Variants in MALRD1 observed in about 807,000 individuals in gnomAD.
MALRD1 encodes MAM and LDL-receptor class A domain-containing protein 1.
In MALRD1, 247 loss-of-function variants were observed where a neutral mutation model predicts 242.1. The observed-to-expected ratio is 1.02, with a 90% CI of 0.92 to 1.13. MALRD1 has a LOEUF of 1.13. Ranked by LOEUF, MALRD1 falls within the 50% of genes most tolerant of loss-of-function variation. The pLI, the probability that MALRD1 is intolerant of heterozygous loss-of-function variation, is 0.00. For synonymous variants in MALRD1, 995 were observed against 866.6 expected, an observed-to-expected ratio of 1.15 and a Z score of -2.60; for missense variants, 2,989 against 2,533.1, an observed-to-expected ratio of 1.18 and a Z score of -3.86.
chr10:19,626,055 T>G (rs1377119084), intron 36 of MALRD1, among the ~76,000 whole-genome samples: 1 of 152,156 alleles, frequency 6.6e-6, no homozygotes, highest in African/African-American at 2.4e-5. Context: ...TAGATATCTT[T>G]TAGGTAATAA....
rs189693123 is a variant in MALRD1, at chr10:19,272,496, T to G, written c.3080-7551T>G. 1.6e-3 allele frequency among the ~76,000 whole-genome samples: 251 copies of G among 152,204 alleles called. 1 individual carries two copies. The highest frequency in any genetic ancestry group is 3.2e-3 in the Non-Finnish European group (217 of 68,012). On this transcript the variant is annotated intron_variant, in intron 19 of 39. Transcript: ENST00000454679. ...GGCCCTTTAAAAGTATTTAAAAATA[T>G]TTCGTTTTAAATTTTATCTTTTATT... is the stretch of plus-strand genomic sequence containing the variant.
intron 28 of MALRD1, among the ~76,000 whole-genome samples, chr10:19,409,568 A>G (rs76949612): frequency 0.02 from 3,017 of 152,278 alleles, 38 homozygotes; most frequent in Middle Eastern, 0.034. Context: ...CATGAAGAAT[A>G]TTATCAATCC....
intron 26 of MALRD1, among the ~76,000 whole-genome samples, chr10:19,368,924 T>A (rs1005083653): frequency 6.2e-5 from 9 of 146,196 alleles, no homozygotes; most frequent in Non-Finnish European, 9.1e-5. Context: ...TGTGTGTGTA[T>A]GTAATTTAAA....
chr10:19,386,559 AATT>A (rs1304569623), intron 26 of MALRD1, among the ~76,000 whole-genome samples: 1 of 152,158 alleles, frequency 6.6e-6, no homozygotes, highest in East Asian at 1.9e-4. Context: ...GTAGTATAAT[AATT>A]ATGCCTTCAA....
At chr10:19,345,564 A>T (rs1480672920) in intron 24 of MALRD1, among the ~76,000 whole-genome samples, 1 of 152,126 alleles carries the variant, frequency 6.6e-6, no homozygotes, top group Non-Finnish European at 1.5e-5. Flanking sequence ...TCTAGGAAAA[A>T]AAAAATTACA....
At chr10:19,505,080 A>C (rs1049805195) in intron 31 of MALRD1, among the ~76,000 whole-genome samples, 1 of 152,156 alleles carries the variant, frequency 6.6e-6, no homozygotes, top group Admixed American at 6.5e-5. Flanking sequence ...GGGCAGAAAA[A>C]GAAGGAGAAA....
At chr10:19,459,831 AG>A (rs1835843929) in intron 29 of MALRD1, among the ~76,000 whole-genome samples, 1 of 151,320 alleles carries the variant, frequency 6.6e-6, no homozygotes, top group Admixed American at 6.6e-5. Context: ...TTATAATCCA[AG>A]CACAATGATA....
chr10:19,062,235 A>T (rs1834844387), intron 1 of MALRD1, among the ~76,000 whole-genome samples: 1 of 152,188 alleles, frequency 6.6e-6, no homozygotes, highest in African/African-American at 2.4e-5. Flanking sequence ...CTTCACACCC[A>T]TTGTGATGGC....
intron 28 of MALRD1, among the ~76,000 whole-genome samples, chr10:19,422,326 A>G (rs1390859891): frequency 1.3e-5 from 2 of 152,204 alleles, no homozygotes; most frequent in African/African-American, 4.8e-5. Flanking sequence ...TTCAAACAAA[A>G]CAATAACAAA....
At chr10:19,393,175 GAATTTTATAAT>G (rs1309653559) in intron 28 of MALRD1, among the ~76,000 whole-genome samples, 1 of 152,000 alleles carries the variant, frequency 6.6e-6, no homozygotes, top group African/African-American at 2.4e-5. Flanking sequence ...ATCTTTTTCT[GAATTTTATAAT>G]AGTTCATTTT....
At chr10:19,707,231 C>CCTCCTT (rs201618365) in intron 38 of MALRD1, among the ~76,000 whole-genome samples, 4,442 of 151,976 alleles carry the variant, frequency 0.029, 206 homozygotes, top group African/African-American at 0.087. Context: ...TTCTCCTTCT[C>CCTCCTT]CTCCTTCTCC....
intron 33 of MALRD1, among the ~76,000 whole-genome samples, chr10:19,578,646 C>G (rs1213559195): frequency 6.6e-6 from 1 of 151,538 alleles, no homozygotes; most frequent in Non-Finnish European, 1.5e-5. Flanking sequence ...GAGCTGAGAT[C>G]ATGTCACTGC....
chr10:19,694,722 G>A (rs183704914), intron 38 of MALRD1, among the ~76,000 whole-genome samples: 5 of 152,176 alleles, frequency 3.3e-5, no homozygotes, highest in Admixed American at 2.6e-4. Context: ...CCATTACTGG[G>A]TATATACCCA....
intron 18 of MALRD1, among the ~76,000 whole-genome samples, chr10:19,226,899 T>C (rs184670503): frequency 4.2e-4 from 64 of 152,096 alleles, no homozygotes; most frequent in African/African-American, 8.9e-4. Context: ...AATAAAATTA[T>C]GTAAGCAATT....
chr10:19,559,408 A>G (rs536533143), intron 32 of MALRD1, among the ~76,000 whole-genome samples: 4 of 152,154 alleles, frequency 2.6e-5, no homozygotes, highest in South Asian at 4.1e-4. Flanking sequence ...TATGCATTCA[A>G]TGCTGTAAAA....
chr10:19,128,036 T>G (rs1027330456), intron 7 of MALRD1, among the ~76,000 whole-genome samples, 185 bp from the exon 8 acceptor site: 5 of 152,162 alleles, frequency 3.3e-5, no homozygotes, highest in Non-Finnish European at 5.9e-5. Flanking sequence ...ATATTGGAAA[T>G]AATATATAAA....
chr10:19,451,687 A>T (rs1009044189), intron 29 of MALRD1, among the ~76,000 whole-genome samples: 2 of 152,156 alleles, frequency 1.3e-5, no homozygotes, highest in Non-Finnish European at 2.9e-5. Flanking sequence ...GCAGTTCAAA[A>T]ATGTGACTTT....
intron 32 of MALRD1, among the ~76,000 whole-genome samples, chr10:19,550,436 G>A (rs1425636041): frequency 6.6e-6 from 1 of 151,956 alleles, no homozygotes; most frequent in East Asian, 1.9e-4. Context: ...TTCATCACCT[G>A]TATTAAGCCA....
At chr10:19,463,650 A>G (rs1461172643) in intron 29 of MALRD1, among the ~76,000 whole-genome samples, 1 of 151,718 alleles carries the variant, frequency 6.6e-6, no homozygotes, top group Non-Finnish European at 1.5e-5. Context: ...TATTTTTGAA[A>G]CTGTCAACTG....
Sources: allele counts gnomAD v4.1 joint callset (sites outside exome capture counted in the v4.1 genomes callset), GRCh38; gene constraint gnomAD v4.1.1; transcripts MANE v1.5; gene names NCBI Gene and HGNC (gene_info 2026-07-23, HGNC 2026-07-21).